The following WNK1 variants were observed in gnomAD, a reference collection of about 807,000 sequenced individuals.
WNK1 encodes the protein serine/threonine-protein kinase WNK1.
Under a neutral mutation model 222.8 loss-of-function variants are expected in WNK1, and 38 were observed. The observed-to-expected ratio is 0.17, with a 90% CI of 0.13 to 0.22. WNK1 has a LOEUF of 0.22. Ranked by LOEUF, WNK1 falls within the 10% of genes least tolerant of loss-of-function variation. WNK1 has a pLI of 1.00. For missense variants in WNK1, 2,348 were observed against 2,918.4 expected (o/e 0.80, Z 4.50); for synonymous variants, 1,090 against 1,092.9 (o/e 1.00, Z 0.05).
chr12:852,320 A>G (rs1002620995), intron 4 of WNK1, among the ~76,000 whole-genome samples: 1 of 152,064 alleles, frequency 6.6e-6, no homozygotes, highest in African/African-American at 2.4e-5. Flanking sequence ...ACAGTTGTTC[A>G]TTTTTTTGTA....
chr12:789,416 A>G (rs1319790969), intron 1 of WNK1, among the ~76,000 whole-genome samples: 1 of 152,114 alleles, frequency 6.6e-6, no homozygotes, highest in African/African-American at 2.4e-5. Flanking sequence ...ATACTAATAA[A>G]TGGTACACAC....
intron 25 of WNK1, 76 bp downstream of exon 25, chr12:897,757 A>T: frequency 6.8e-7 from 1 of 1,465,268 alleles, no homozygotes; most frequent in South Asian, 1.2e-5. Flanking sequence ...TGACCTGCTG[A>T]ACATTTGTTG....
chr12:843,507 C>T (rs868555988), intron 4 of WNK1, among the ~76,000 whole-genome samples: 2 of 152,154 alleles, frequency 1.3e-5, no homozygotes, highest in Admixed American at 1.3e-4. Context: ...TTTTGCAAAT[C>T]TAATGTCTAG....
At position 881,702 on chromosome 12, in the gene WNK1, G is replaced by A. The variant is rs1431347205; in HGVS notation, c.3122G>A (p.Gly1041Glu). 1.2e-6 allele frequency: 2 copies of A among 1,613,620 alleles called. No individual in the cohort carries two copies. Among genetic ancestry groups the A allele is most frequent in the African/African-American group, 2.7e-5 (2 of 74,858 alleles). ...CTTTTCGATTCACAGAGTACTCAGG[G>A]AGTCTCTCAGGTTGCTCCTGCAGAG... ...SQQAVLESTQ[G>E]VSQVAPAEPV... Residue 1041 changes from glycine (G) to glutamate (E), a missense_variant, in exon 13 of 28, where the codon GGA becomes GAA. This residue lies in a region of WNK1 where 547 missense variants were observed against 558.3 expected (regional missense o/e 0.98). Transcript: ENST00000315939.
At chr12:865,430 A>G (rs1171613988) in intron 8 of WNK1, 1 of 1,479,996 alleles carries the variant, frequency 6.8e-7, no homozygotes, top group East Asian at 2.5e-5. Context: ...GGCAACAAGA[A>G]TTTTAATTAA....
chr12:810,319 G>A (rs970551395), intron 1 of WNK1, among the ~76,000 whole-genome samples: 13 of 151,898 alleles, frequency 8.6e-5, no homozygotes, highest in African/African-American at 2.2e-4. Flanking sequence ...TAAGGAGGGA[G>A]TATTCCAATA....
chr12:865,319 G>T (rs1212499790), intron 8 of WNK1: 3 of 1,536,094 alleles, frequency 2.0e-6, no homozygotes, highest in East Asian at 4.9e-5. Flanking sequence ...CTGCCTCTCA[G>T]CGCAAGCACC....
intron 4 of WNK1, chr12:851,348 C>A: frequency 9.6e-7 from 1 of 1,045,138 alleles, no homozygotes; most frequent in African/African-American, 1.7e-5. Context: ...TTTGATAGGT[C>A]CAGGAGATAG....
At chr12:834,648 C>T (rs1233931162) in intron 4 of WNK1, among the ~76,000 whole-genome samples, 1 of 152,192 alleles carries the variant, frequency 6.6e-6, no homozygotes, top group Admixed American at 6.5e-5. Flanking sequence ...CTTAATTTCT[C>T]TGTACTTCAA....
At chr12:878,391 A>G (rs1169534878) in intron 10 of WNK1, 30 bp downstream of exon 10, 1 of 1,595,900 alleles carries the variant, frequency 6.3e-7, no homozygotes, top group East Asian at 2.2e-5. Context: ...TTAAACAGGT[A>G]AACTCTTAAT....
chr12:860,615 T>C (rs1951134138), intron 6 of WNK1, among the ~76,000 whole-genome samples: 1 of 152,240 alleles, frequency 6.6e-6, no homozygotes, highest in Non-Finnish European at 1.5e-5. Context: ...GATTAAGTAG[T>C]TGCCTTGTAA....
At chr12:772,528 C>T (rs188863336) in intron 1 of WNK1, among the ~76,000 whole-genome samples, 2 of 152,040 alleles carry the variant, frequency 1.3e-5, no homozygotes, top group East Asian at 3.9e-4. Context: ...TATGCACACA[C>T]GGTTATGTTG....
At chr12:763,750 G>T (rs1749572334) in intron 1 of WNK1, among the ~76,000 whole-genome samples, 2 of 147,252 alleles carry the variant, frequency 1.4e-5, no homozygotes, top group Admixed American at 6.8e-5. Context: ...AGAAGGAATA[G>T]AACATTTAGA....
Position 886,079 on chromosome 12 carries a change from G to C in WNK1, c.5275G>C (p.Ala1759Pro). The C allele has an allele frequency of 3.1e-6, 5 of 1,606,600 alleles. No homozygotes were observed. The highest frequency in any genetic ancestry group is 4.2e-6 in the Non-Finnish European group (5 of 1,177,806). The change falls in exon 19 of 28, where the codon GCT (alanine) becomes CCT (proline). Residue 1759 changes from alanine (A) to proline (P), a missense_variant. This residue lies in a region of WNK1 where 1,144 missense variants were observed against 1,273.6 expected (regional missense o/e 0.90). Transcript: ENST00000315939. ...TAPSKPPLTK[A>P]PVLPVGTELP... is the part of the protein sequence containing the mutation. ...TCCCTCCAAGCCACCTCTAACTAAGGCTCCGGTAAAATTATTGTTATAAAA... is the reference window on the plus strand; with the variant it reads ...TCCCTCCAAGCCACCTCTAACTAAGCCTCCGGTAAAATTATTGTTATAAAA...
chr12:800,536 C>G (rs563914387), intron 1 of WNK1, among the ~76,000 whole-genome samples: 1 of 151,798 alleles, frequency 6.6e-6, no homozygotes, highest in Admixed American at 6.6e-5. Flanking sequence ...TTTTTTGTTT[C>G]TCTGAGGCAA....
intron 2 of WNK1, among the ~76,000 whole-genome samples, chr12:820,075 A>T (rs1376985707): frequency 6.6e-6 from 1 of 152,084 alleles, no homozygotes; most frequent in Non-Finnish European, 1.5e-5. Context: ...GAATTTGAGG[A>T]TTAGATTTCC....
At position 895,014 on chromosome 12, in the gene WNK1, A is replaced by G. The variant is rs529434246; in HGVS notation, c.5583+379A>G. The stretch of plus-strand genomic sequence containing the variant: ...TAATTGGTTTACCTAACCAGTCTCT[A>G]TCATCATTTCTCATTTTTCCAACAT... On this transcript the variant is annotated intron_variant, in intron 23 of 27. Coordinates refer to ENST00000315939, the MANE Select transcript of WNK1 (RefSeq NM_018979.4). 2.0e-4 allele frequency among the ~76,000 whole-genome samples: 31 copies of G among 151,714 alleles called. 1 individual carries two copies. The highest frequency in any genetic ancestry group is 3.4e-3 in the Middle Eastern group (1 of 294).
chr12:880,344 T>G (rs999607155), intron 11 of WNK1, among the ~76,000 whole-genome samples: 1 of 152,184 alleles, frequency 6.6e-6, no homozygotes, highest in African/African-American at 2.4e-5. Context: ...ATAGCCAACA[T>G]GGTATCAACA....
chr12:776,354 T>A (rs971763836), intron 1 of WNK1, among the ~76,000 whole-genome samples: 1 of 151,342 alleles, frequency 6.6e-6, no homozygotes, highest in Non-Finnish European at 1.5e-5. Flanking sequence ...AGCTGCTGTT[T>A]GTTGTTACAT....
Sources: allele counts gnomAD v4.1 joint callset (sites outside exome capture counted in the v4.1 genomes callset), GRCh38; gene constraint gnomAD v4.1.1; regional missense constraint gnomAD v4.1.1; transcripts MANE v1.5; gene names NCBI Gene and HGNC (gene_info 2026-07-23, HGNC 2026-07-21).